DLG2: variants seen among roughly 807,000 people sequenced by gnomAD.
The protein encoded by DLG2 is disks large homolog 2.
Under a neutral mutation model 132.5 loss-of-function variants are expected in DLG2, and 45 were observed. The ratio of observed to expected loss-of-function variants is 0.34; its 90% CI spans 0.27 to 0.44. The LOEUF (loss-of-function observed/expected upper bound fraction) is 0.44. DLG2 is among the 20% of genes least tolerant of loss of function. The pLI is 1.00. For missense variants in DLG2, 1,045 were observed against 1,196.9 expected, an observed-to-expected ratio of 0.87 and a Z score of 1.87; for synonymous variants, 424 against 419.6, an observed-to-expected ratio of 1.01 and a Z score of -0.13.
At chr11:84,805,155 A>G (rs1420051088) in intron 6 of DLG2, among the ~76,000 whole-genome samples, 1 of 152,110 alleles carries the variant, frequency 6.6e-6, no homozygotes, top group African/African-American at 2.4e-5. Context: ...TTCCAGCCAC[A>G]GAGCTAACAA....
rs752827834 is a variant in DLG2, at chr11:84,361,020, CA to C, written c.520-109730del. ...GGATCAACCACAGATTAAGATGCTG[CA>C]AAAGAAGAAACCAGTTAACTCGAAG... On this transcript the variant is annotated intron_variant, in intron 7 of 27. Coordinates refer to ENST00000376104, the MANE Select transcript of DLG2 (RefSeq NM_001142699.3). Among the ~76,000 whole-genome samples, 11 of 151,764 alleles carry C rather than the reference CA, an allele frequency of 7.2e-5. No individual in the cohort carries two copies. In the East Asian group the frequency reaches 2.1e-3, roughly 30 times the overall value.
At chr11:84,735,120 C>T (rs920811501) in intron 6 of DLG2, among the ~76,000 whole-genome samples, 2 of 152,000 alleles carry the variant, frequency 1.3e-5, no homozygotes, top group African/African-American at 4.8e-5. Context: ...CTGTCTCTGC[C>T]ATGCTTTGGT....
intron 7 of DLG2, among the ~76,000 whole-genome samples, chr11:84,442,536 G>A (rs547645383): frequency 2.8e-4 from 43 of 152,114 alleles, no homozygotes; most frequent in African/African-American, 8.9e-4. Context: ...CAGTGGGTGC[G>A]GGAGGCTAGG....
At chr11:84,985,195 G>C (rs2056316650) in intron 6 of DLG2, among the ~76,000 whole-genome samples, 1 of 152,142 alleles carries the variant, frequency 6.6e-6, no homozygotes, top group South Asian at 2.1e-4. Context: ...ATGGCACATG[G>C]AACTTTCTCT....
At chr11:83,777,189 T>C (rs149600267) in intron 18 of DLG2, among the ~76,000 whole-genome samples, 2 of 152,364 alleles carry the variant, frequency 1.3e-5, no homozygotes, top group East Asian at 3.9e-4. Flanking sequence ...AGCAATTCTT[T>C]AGTAATAAAG....
chr11:84,628,576 T>A (rs1411203780), intron 6 of DLG2, among the ~76,000 whole-genome samples: 1 of 152,210 alleles, frequency 6.6e-6, no homozygotes, highest in East Asian at 1.9e-4. Flanking sequence ...TATCTTCACA[T>A]CTTTGCACAT....
At chr11:85,033,608 C>T (rs2061209456) in intron 6 of DLG2, among the ~76,000 whole-genome samples, 1 of 152,176 alleles carries the variant, frequency 6.6e-6, no homozygotes, top group Non-Finnish European at 1.5e-5. Flanking sequence ...GAGGGATTCA[C>T]AGCACAGTAG....
intron 6 of DLG2, among the ~76,000 whole-genome samples, chr11:84,630,862 T>C (rs1222475816): frequency 6.6e-6 from 1 of 152,154 alleles, no homozygotes; most frequent in East Asian, 1.9e-4. Context: ...TTCCTGTTTT[T>C]CCTAGCATAG....
At chr11:85,362,203 C>A (rs1042407564) in intron 3 of DLG2, among the ~76,000 whole-genome samples, 2 of 152,182 alleles carry the variant, frequency 1.3e-5, no homozygotes, top group African/African-American at 4.8e-5. Context: ...CCGTTTCCCA[C>A]CTTGGGCACC....
intron 7 of DLG2, among the ~76,000 whole-genome samples, chr11:84,452,196 G>A (rs1046586295): frequency 3.3e-5 from 5 of 151,442 alleles, no homozygotes; most frequent in Admixed American, 1.3e-4. Context: ...GGAGGAGGAC[G>A]ACGATGAAGA....
chr11:84,292,661 A>T (rs144721004), intron 7 of DLG2, among the ~76,000 whole-genome samples: 1 of 152,200 alleles, frequency 6.6e-6, no homozygotes, highest in Non-Finnish European at 1.5e-5. Context: ...TAACATAAAA[A>T]AGACTCTATT....
chr11:83,483,122 C>T lies in DLG2; in HGVS notation c.2293+1007G>A, dbSNP rs184225699. On this transcript the variant is annotated intron_variant, in intron 22 of 27. Coordinates refer to ENST00000376104, the MANE Select transcript of DLG2 (RefSeq NM_001142699.3). The stretch of plus-strand genomic sequence containing the variant: ...AGTTACTTTGTAGGAGCATTCACAG[C>T]TAGGTAACAAATAAAACTCGTATCT... 2.3e-5 allele frequency: 17 copies of T among 731,620 alleles called. No homozygotes were observed. The Admixed American group carries it at 4.0e-4, about 17-fold the overall frequency. 45.3% of individuals were successfully genotyped at this position (731,620 alleles called of 1,614,324 possible). A position where few individuals can be genotyped will look rare whatever the true frequency, so the allele number is the denominator to read the frequency against.
At chr11:83,761,735 C>T (rs957917421) in intron 18 of DLG2, among the ~76,000 whole-genome samples, 9 of 152,186 alleles carry the variant, frequency 5.9e-5, no homozygotes, top group Non-Finnish European at 1.2e-4. Context: ...TGACAACGTG[C>T]TGTTGTGTGT....
At chr11:83,954,713 T>C (rs2086367762) in intron 14 of DLG2, among the ~76,000 whole-genome samples, 1 of 152,202 alleles carries the variant, frequency 6.6e-6, no homozygotes, top group Admixed American at 6.5e-5. Context: ...ATGAATTTTT[T>C]AAAAGGGCAA....
chr11:85,057,294 C>T (rs1374760451), intron 6 of DLG2, among the ~76,000 whole-genome samples: 2 of 151,380 alleles, frequency 1.3e-5, no homozygotes, highest in East Asian at 1.9e-4. Context: ...AAATGATAAC[C>T]ATCTATTATA....
intron 3 of DLG2, among the ~76,000 whole-genome samples, chr11:85,415,614 T>G (rs1382912868): frequency 6.6e-6 from 1 of 152,232 alleles, no homozygotes; most frequent in African/African-American, 2.4e-5. Flanking sequence ...TGACCAGTGT[T>G]GATGAGTTTT....
chr11:84,481,224 CTTTT>C (rs1003947246), intron 7 of DLG2, among the ~76,000 whole-genome samples: 1 of 152,006 alleles, frequency 6.6e-6, no homozygotes, highest in South Asian at 2.1e-4. Flanking sequence ...TTCTAGTTGT[CTTTT>C]TTTATTTGGT....
chr11:84,065,936 G>T (rs2096664058), intron 10 of DLG2, among the ~76,000 whole-genome samples: 1 of 152,100 alleles, frequency 6.6e-6, no homozygotes, highest in Non-Finnish European at 1.5e-5. Flanking sequence ...GGAGCTGCAG[G>T]CCATTATCCT....
intron 6 of DLG2, among the ~76,000 whole-genome samples, chr11:85,068,328 G>C (rs185266240): frequency 6.6e-6 from 1 of 152,026 alleles, no homozygotes; most frequent in African/African-American, 2.4e-5. Flanking sequence ...AGGAAATAAA[G>C]GGTATTCAAT....
Sources: allele counts gnomAD v4.1 joint callset (sites outside exome capture counted in the v4.1 genomes callset), GRCh38; gene constraint gnomAD v4.1.1; transcripts MANE v1.5; gene names NCBI Gene and HGNC (gene_info 2026-07-23, HGNC 2026-07-21).